DNAI4: variants seen among roughly 807,000 people sequenced by gnomAD.
DNAI4 encodes the protein dynein axonemal intermediate chain 4, also known as WD repeat domain 78.
DNAI4 carries 85 observed loss-of-function variants against 105.8 expected under a neutral mutation model. The ratio of observed to expected loss-of-function variants is 0.80; its 90% confidence interval spans 0.67 to 0.96. The LOEUF (loss-of-function observed/expected upper bound fraction) is 0.96. DNAI4 is among the 40% of genes least tolerant of loss of function. The pLI is 0.00. For missense variants in DNAI4, 1,014 were observed against 1,005.6 expected (o/e 1.01, Z -0.11); for synonymous variants, 352 against 331.5 (o/e 1.06, Z -0.67).
intron 5 of DNAI4, 106 bp from the exon 6 acceptor site, chr1:66,871,615 G>A (rs1569680743): frequency 2.6e-6 from 3 of 1,165,952 alleles, no homozygotes; most frequent in Non-Finnish European, 3.5e-6. Context: ...AATGTGGCTT[G>A]CACCAAAAAG....
At chr1:66,874,167 G>C (rs1262836601) in intron 5 of DNAI4, among the ~76,000 whole-genome samples, 1 of 151,840 alleles carries the variant, frequency 6.6e-6, no homozygotes, top group Non-Finnish European at 1.5e-5. Context: ...AAGAGGGATA[G>C]TACAAAATGA....
In DNAI4 at chr1:66,862,127, T is replaced by C; in HGVS notation, c.1096+20A>G. ...CCATGTTAAAGTCATTCAAAAAAACTAAAATAAATGAAATCTTACTTTTTT... is the reference window on the plus strand; with the variant it reads ...CCATGTTAAAGTCATTCAAAAAAACCAAAATAAATGAAATCTTACTTTTTT... On this transcript the variant is annotated intron_variant, in intron 7 of 16. Transcript: ENST00000371026. 6.4e-7 allele frequency: 1 copy of C among 1,557,540 alleles called. No homozygotes were observed. The highest frequency in any genetic ancestry group is 8.6e-7 in the Non-Finnish European group (1 of 1,159,400).
In DNAI4 at chr1:66,859,307, A is replaced by G. The variant is rs376718230; in HGVS notation, c.1096+2840T>C. Among the ~76,000 whole-genome samples the G allele has an allele frequency of 3.3e-5, 5 of 152,262 alleles. No individual in the cohort carries two copies. In the East Asian group the frequency reaches 7.7e-4, roughly 23 times the overall value. Reference sequence around the variant, plus strand: ...AATCCAAAAAAACTAAAAATACCAAATGCTGGCAAGAATGAGAAACAGGAA... The same window carrying G: ...AATCCAAAAAAACTAAAAATACCAAGTGCTGGCAAGAATGAGAAACAGGAA... On this transcript the variant is annotated intron_variant, in intron 7 of 16. Coordinates refer to ENST00000371026, the MANE Select transcript of DNAI4 (RefSeq NM_024763.5).
At position 66,865,597 on chromosome 1, in the gene DNAI4, T is replaced by C. The variant is rs1046405705; in HGVS notation, c.941-3295A>G. 1.3e-5 allele frequency among the ~76,000 whole-genome samples: 2 copies of C among 152,180 alleles called. 1 individual carries two copies. Among genetic ancestry groups the C allele is most frequent in the South Asian group, 4.1e-4 (2 of 4,828 alleles). On this transcript the variant is annotated intron_variant, in intron 6 of 16. Transcript: ENST00000371026. ...ATGTAGCCTTAAATCTGCAACTAAATGGACTTGCTAATTCTTCCTTCCAGA... is the reference window on the plus strand; with the variant it reads ...ATGTAGCCTTAAATCTGCAACTAAACGGACTTGCTAATTCTTCCTTCCAGA...
chr1:66,838,361 T>A (rs1646074932), intron 9 of DNAI4, among the ~76,000 whole-genome samples: 2 of 152,164 alleles, frequency 1.3e-5, no homozygotes, highest in Admixed American at 6.5e-5. Flanking sequence ...CTCTCTGCCA[T>A]GTGAGGACAC....
chr1:66,817,662 G>T (rs1645546279), intron 16 of DNAI4, among the ~76,000 whole-genome samples: 1 of 151,988 alleles, frequency 6.6e-6, no homozygotes, highest in Non-Finnish European at 1.5e-5. Flanking sequence ...TACTGCATAG[G>T]AAAACTGTAA....
At chr1:66,892,997 G>GAAAGAAAGAA (rs1434711897) in intron 3 of DNAI4, among the ~76,000 whole-genome samples, 1 of 111,478 alleles carries the variant, frequency 9.0e-6, no homozygotes, top group Non-Finnish European at 1.9e-5. Context: ...AAGAAAGAAA[G>GAAAGAAAGAA]AGAGAAAGAG....
intron 1 of DNAI4, among the ~76,000 whole-genome samples, chr1:66,924,092 G>C (rs188612041): frequency 6.6e-6 from 1 of 152,362 alleles, no homozygotes; most frequent in East Asian, 1.9e-4. Context: ...AGAGACTGCA[G>C]GCCTTAACAA....
chr1:66,890,724 A>G lies in DNAI4; in HGVS notation c.643+430T>C. 2.3e-5 allele frequency: 5 copies of G among 218,270 alleles called. No individual in the cohort carries two copies. Among genetic ancestry groups the G allele is most frequent in the South Asian group, 6.1e-5 (1 of 16,366 alleles). The allele number at this position is 218,270 out of a possible 1,614,324, so 13.5% of individuals were successfully genotyped here. A position where few individuals can be genotyped will look rare whatever the true frequency, so the allele number is the denominator to read the frequency against. ...GAAGGAGAGGAGGGGGAGGAGGAGG[A>G]GGGAGAGGAAGAGGGGGAGAAGGAA... On this transcript the variant is annotated intron_variant, in intron 4 of 16. Coordinates refer to ENST00000371026, the MANE Select transcript of DNAI4 (RefSeq NM_024763.5). This position sits in a 1 kb window ranked among gnomAD's most constrained non-coding sequence, Gnocchi z 4.1.
At chr1:66,867,962 T>C (rs1353254245) in intron 6 of DNAI4, among the ~76,000 whole-genome samples, 1 of 152,198 alleles carries the variant, frequency 6.6e-6, no homozygotes, top group Admixed American at 6.5e-5. Context: ...TTAAATATTT[T>C]ATCAAGAAGA....
At chr1:66,912,642 C>A (rs1404875209) in intron 1 of DNAI4, among the ~76,000 whole-genome samples, 1 of 152,138 alleles carries the variant, frequency 6.6e-6, no homozygotes. Flanking sequence ...CCAAGCTGTG[C>A]TCCAACCATC....
At chr1:66,843,822 A>T (rs1472209031) in intron 8 of DNAI4, among the ~76,000 whole-genome samples, 1 of 152,146 alleles carries the variant, frequency 6.6e-6, no homozygotes, top group Non-Finnish European at 1.5e-5. Context: ...ATTTTGGCAG[A>T]TCTATTACTA....
intron 2 of DNAI4, among the ~76,000 whole-genome samples, chr1:66,896,941 G>A (rs1648386007): frequency 6.6e-6 from 1 of 152,220 alleles, no homozygotes; most frequent in African/African-American, 2.4e-5. Flanking sequence ...TTGGAACTGA[G>A]TAGTGGATAG....
chr1:66,923,713 G>C (rs996669356), intron 1 of DNAI4, among the ~76,000 whole-genome samples: 1 of 152,176 alleles, frequency 6.6e-6, no homozygotes, highest in Admixed American at 6.5e-5. Context: ...AGAATGCAAG[G>C]TTCTCTCCCA....
chr1:66,821,837 T>C (rs1645633218), intron 16 of DNAI4, among the ~76,000 whole-genome samples: 1 of 152,118 alleles, frequency 6.6e-6, no homozygotes, highest in South Asian at 2.1e-4. Flanking sequence ...AATTTTAAAT[T>C]GAAAACTTTT....
At chr1:66,860,839 C>T (rs1348190693) in intron 7 of DNAI4, 5 of 152,048 alleles carry the variant, frequency 3.3e-5, no homozygotes, top group Admixed American at 1.3e-4. Context: ...TACAAGCAAA[C>T]CTATTGTATA....
intron 1 of DNAI4, among the ~76,000 whole-genome samples, chr1:66,915,857 T>C (rs1650026445): frequency 6.6e-6 from 1 of 152,154 alleles, no homozygotes; most frequent in Non-Finnish European, 1.5e-5. Context: ...GCACAGTGGC[T>C]CACGTCTGTA....
At chr1:66,896,665 C>A (rs1648363270) in intron 2 of DNAI4, among the ~76,000 whole-genome samples, 4 of 152,122 alleles carry the variant, frequency 2.6e-5, no homozygotes, top group South Asian at 2.1e-4. Flanking sequence ...TTATAAAAGC[C>A]AGTTTCCCTA....
chr1:66,834,649 A>G (rs1376549623), intron 11 of DNAI4, among the ~76,000 whole-genome samples: 1 of 152,002 alleles, frequency 6.6e-6, no homozygotes, highest in Non-Finnish European at 1.5e-5. Flanking sequence ...GACTCTCTCT[A>G]TGGATTAGAG....
Sources: gnomAD v4.1 joint callset for allele counts (sites outside exome capture counted in the v4.1 genomes callset) on GRCh38, gnomAD v4.1.1 for gene constraint, Gnocchi (gnomAD v3.1) non-coding constraint, MANE v1.5 for transcripts, NCBI Gene and HGNC (gene_info 2026-07-23, HGNC 2026-07-21) for gene names.